The following TRPM7 variants were observed in gnomAD, a reference collection of about 807,000 sequenced individuals.
TRPM7 encodes the protein LTRPC ion channel family member 7.
A neutral mutation model predicts 229.7 loss-of-function variants in TRPM7; 134 were observed. The observed-to-expected ratio is 0.58, with a 90% CI of 0.51 to 0.67. The LOEUF (loss-of-function observed/expected upper bound fraction) is 0.67. Among genes scored for constraint, TRPM7 ranks in the 30% least tolerant of loss-of-function variants. The probability of loss-of-function intolerance (pLI) is 0.00; values close to 1 mark genes in which losing one functional copy is unlikely to be tolerated. For synonymous variants in TRPM7, 699 were observed against 715.2 expected (o/e 0.98, Z 0.36); for missense variants, 1,901 against 2,210.0 (o/e 0.86, Z 2.80).
In TRPM7 at chr15:50,605,114, G is replaced by T; in HGVS notation, c.2740C>A (p.Gln914Lys). The T allele has an allele frequency of 6.2e-7, 1 of 1,602,864 alleles. No homozygotes were observed. Among genetic ancestry groups the T allele is most frequent in the South Asian group, 1.1e-5 (1 of 89,630 alleles). The change falls in exon 21 of 39, where the codon CAG becomes AAG. Residue 914 changes from glutamine to lysine, a missense_variant. By Grantham distance (53) the Gln-to-Lys change is moderately conservative. Around this residue, in one of 8 missense-constraint regions of TRPM7, gnomAD observed 207 missense variants for 241.5 expected, o/e 0.86. Coordinates refer to ENST00000646667, the MANE Select transcript of TRPM7 (RefSeq NM_017672.6). ...IFMSEAGKVN[Q>K]KIKVWFSDYF... Reference sequence around the variant, plus strand: ...TCACTAAACCATACTTTAATCTTCTGGTTTACTTTCCCAGCTTCAGACATA... The same window carrying T: ...TCACTAAACCATACTTTAATCTTCTTGTTTACTTTCCCAGCTTCAGACATA...
At chr15:50,650,398 A>G (rs2061390522) in intron 3 of TRPM7, among the ~76,000 whole-genome samples, 1 of 151,766 alleles carries the variant, frequency 6.6e-6, no homozygotes, top group Non-Finnish European at 1.5e-5. Flanking sequence ...AGAAGGACTA[A>G]ATTAGACCTA....
At chr15:50,576,801 G>C (rs2054155666) in intron 31 of TRPM7, among the ~76,000 whole-genome samples, 1 of 152,102 alleles carries the variant, frequency 6.6e-6, no homozygotes, top group Non-Finnish European at 1.5e-5. Context: ...ACAGAAACAG[G>C]GAATATCAAA....
intron 13 of TRPM7, among the ~76,000 whole-genome samples, chr15:50,614,644 G>C (rs1397546026): frequency 7.8e-6 from 1 of 128,750 alleles, no homozygotes; most frequent in African/African-American, 3.0e-5. Flanking sequence ...CAGCCTGGGA[G>C]ACAGAGCAAG....
At position 50,589,644 on chromosome 15, in the gene TRPM7, C is replaced by T; in HGVS notation, c.4337G>A (p.Ser1446Asn). The T allele has an allele frequency of 1.9e-6, 3 of 1,594,058 alleles. No homozygotes were observed. The highest frequency in any genetic ancestry group is 1.7e-6 in the Non-Finnish European group (2 of 1,168,612). ...TTCTTTAAACCTCTGTAAATCCATG[C>T]TATCTCTGTGTCCTTTAATAGAAAA... ...EFGAFVGHRD[S>N]MDLQRFKETS... is the part of the protein sequence containing the mutation. The change falls in exon 27 of 39, where the codon AGC becomes AAC. Residue 1446 changes from serine to asparagine, a missense_variant. Physicochemically the swap from Ser to Asn is conservative, Grantham distance 46 (BLOSUM62 1). Around this residue, in one of 8 missense-constraint regions of TRPM7, gnomAD observed 533 missense variants for 497.1 expected, o/e 1.07. Transcript: ENST00000646667.
chr15:50,568,713 G>A (rs1204988514), intron 38 of TRPM7, among the ~76,000 whole-genome samples: 1 of 152,198 alleles, frequency 6.6e-6, no homozygotes, highest in East Asian at 1.9e-4. Context: ...GGTGGCTCAC[G>A]CCTGTAATCC....
chr15:50,599,463 T>C (rs1279982525), intron 21 of TRPM7, 167 bp from the exon 22 acceptor site: 21 of 492,122 alleles, frequency 4.3e-5, no homozygotes, highest in Admixed American at 3.6e-5. Context: ...TTCATCACTA[T>C]ATAAATCTTA....
At chr15:50,627,509 G>C (rs1225803914) in intron 11 of TRPM7, among the ~76,000 whole-genome samples, 2 of 152,152 alleles carry the variant, frequency 1.3e-5, no homozygotes, top group African/African-American at 2.4e-5. Context: ...AACAAGGTTA[G>C]ATAAAAAAGA....
At chr15:50,574,083 A>C (rs1007817107) in intron 36 of TRPM7, among the ~76,000 whole-genome samples, 191 bp downstream of exon 36, 2 of 152,016 alleles carry the variant, frequency 1.3e-5, no homozygotes, top group African/African-American at 4.8e-5. Context: ...CGGGGGAACA[A>C]AAAAAGATAG....
At chr15:50,627,329 G>A (rs992947812) in intron 11 of TRPM7, among the ~76,000 whole-genome samples, 1 of 152,064 alleles carries the variant, frequency 6.6e-6, no homozygotes, top group Non-Finnish European at 1.5e-5. Flanking sequence ...TATTAAAATA[G>A]GGTAGACAGA....
At chr15:50,673,059 AGC>A (rs201912841) in intron 1 of TRPM7, among the ~76,000 whole-genome samples, 1 of 151,880 alleles carries the variant, frequency 6.6e-6, no homozygotes, top group African/African-American at 2.4e-5. Context: ...ACAGTAAGCT[AGC>A]GTTAATTTAT....
intron 8 of TRPM7, 129 bp downstream of exon 8, chr15:50,634,253 G>A (rs1291925512): frequency 1.6e-6 from 1 of 619,540 alleles, no homozygotes; most frequent in Non-Finnish European, 2.4e-6. Flanking sequence ...CCTGGGAGGT[G>A]GAGGTTGTAG....
rs2140402628 is a variant in TRPM7 at position 50,599,229 on chromosome 15, T to C, written c.3056A>G (p.Lys1019Arg). ...LVLLSFGVPRKAILYPHEAPS... is the reference protein window; with the variant it reads ...LVLLSFGVPRRAILYPHEAPS... ...TGCTTCATGAGGATAAAGTATTGCCTTTCTGGGAACACCAAAACTAAGTAA... is the reference window on the plus strand; with the variant it reads ...TGCTTCATGAGGATAAAGTATTGCCCTTCTGGGAACACCAAAACTAAGTAA... Residue 1019 changes from lysine to arginine, a missense_variant, in exon 22 of 39, where the codon AAG (lysine) becomes AGG (arginine). By Grantham distance (26) the Lys-to-Arg change is conservative (BLOSUM62 2). This residue lies in a region of TRPM7 where 89 missense variants were observed against 178.2 expected (regional missense o/e 0.50). Coordinates refer to ENST00000646667, the MANE Select transcript of TRPM7 (RefSeq NM_017672.6). The C allele has an allele frequency of 6.2e-7, 1 of 1,613,218 alleles. No individual in the cohort carries two copies. Among genetic ancestry groups the C allele is most frequent in the East Asian group, 2.2e-5 (1 of 44,796 alleles).
At chr15:50,579,899 C>T (rs1461834758) in intron 30 of TRPM7, among the ~76,000 whole-genome samples, 1 of 152,152 alleles carries the variant, frequency 6.6e-6, no homozygotes, top group Non-Finnish European at 1.5e-5. Flanking sequence ...AATCCTTCTG[C>T]CTCAAGCCTC....
At chr15:50,657,150 C>T (rs1048943885) in intron 3 of TRPM7, among the ~76,000 whole-genome samples, 1 of 152,048 alleles carries the variant, frequency 6.6e-6, no homozygotes, top group African/African-American at 2.4e-5. Flanking sequence ...ATGGTGAAAC[C>T]CCATTTCTAC....
intron 13 of TRPM7, among the ~76,000 whole-genome samples, chr15:50,619,041 G>T (rs922868644): frequency 6.6e-6 from 1 of 152,058 alleles, no homozygotes; most frequent in Non-Finnish European, 1.5e-5. Context: ...TTAAGATCAT[G>T]ACCCAGTCCT....
chr15:50,569,524 T>C (rs1349475834), intron 38 of TRPM7, among the ~76,000 whole-genome samples: 1 of 152,182 alleles, frequency 6.6e-6, no homozygotes, highest in African/African-American at 2.4e-5. Flanking sequence ...GTTCTGTTTT[T>C]TCCTCTCTCT....
chr15:50,572,026 T>C (rs1472186115), intron 36 of TRPM7, among the ~76,000 whole-genome samples: 1 of 152,190 alleles, frequency 6.6e-6, no homozygotes, highest in East Asian at 1.9e-4. Flanking sequence ...GGCCAGAGAG[T>C]GGCTCATGCC....
At position 50,574,366 on chromosome 15, in the gene TRPM7, A is replaced by T; in HGVS notation, c.5216T>A (p.Ile1739Asn). Residue 1739 changes from isoleucine (I) to asparagine (N), a missense_variant, in exon 36 of 39, where the codon ATT becomes AAT. This residue lies in a region of TRPM7 where 257 missense variants were observed against 352.0 expected (regional missense o/e 0.73). Coordinates refer to ENST00000646667, the MANE Select transcript of TRPM7 (RefSeq NM_017672.6). The part of the protein sequence containing the change: ...KYNNNNGDEI[I>N]PTNTLEEIML... Reference sequence around the variant, plus strand: ...GATCTCTTCCAGAGTATTAGTTGGAATAATCTCATCTCCATTATTATTGTT... The same window carrying T: ...GATCTCTTCCAGAGTATTAGTTGGATTAATCTCATCTCCATTATTATTGTT... 6.2e-7 allele frequency: 1 copy of T among 1,614,016 alleles called. No individual in the cohort carries two copies. Among genetic ancestry groups the T allele is most frequent in the Non-Finnish European group, 8.5e-7 (1 of 1,179,942 alleles).
intron 11 of TRPM7, 69 bp downstream of exon 11, chr15:50,628,080 G>T: frequency 8.8e-7 from 1 of 1,131,226 alleles, no homozygotes; most frequent in Non-Finnish European, 1.3e-6. Context: ...TCAGGTCACA[G>T]TTCCCGCAAA....
Sources: gnomAD v4.1 joint callset for allele counts (sites outside exome capture counted in the v4.1 genomes callset) on GRCh38, gnomAD v4.1.1 for gene constraint, gnomAD v4.1.1 regional missense constraint, MANE v1.5 for transcripts, NCBI Gene and HGNC (gene_info 2026-07-23, HGNC 2026-07-21) for gene names.